Variants in ROBO2 observed in about 807,000 individuals in gnomAD.
ROBO2 encodes the protein roundabout guidance receptor 2, also known as roundabout homolog 2.
A neutral mutation model predicts 160.8 loss-of-function variants in ROBO2; 53 were observed. The ratio of observed to expected loss-of-function variants is 0.33; its 90% CI spans 0.26 to 0.41. The LOEUF (loss-of-function observed/expected upper bound fraction) is 0.41, where lower values mean the gene tolerates loss of function less well. Ranked by LOEUF, ROBO2 falls within the 10% of genes least tolerant of loss-of-function variation. The probability of loss-of-function intolerance (pLI) is 1.00; values close to 1 mark genes in which losing one functional copy is unlikely to be tolerated. For synonymous variants in ROBO2, 664 were observed against 611.7 expected (o/e 1.09, Z -1.26); for missense variants, 1,577 against 1,722.4 (o/e 0.92, Z 1.49).
At chr3:76,034,017 C>G (rs955607414) in intron 2 of ROBO2, among the ~76,000 whole-genome samples, 1 of 152,182 alleles carries the variant, frequency 6.6e-6, no homozygotes, top group Non-Finnish European at 1.5e-5. Context: ...GCCACATGGG[C>G]AACCCAGATT....
At chr3:76,099,722 T>G (rs1265310012) in intron 2 of ROBO2, among the ~76,000 whole-genome samples, 1 of 152,162 alleles carries the variant, frequency 6.6e-6, no homozygotes, top group Non-Finnish European at 1.5e-5. Context: ...CTAAAAAAAT[T>G]TTCACTTATT....
intron 2 of ROBO2, among the ~76,000 whole-genome samples, chr3:77,273,008 A>T (rs2059598293): frequency 6.6e-6 from 1 of 152,180 alleles, no homozygotes; most frequent in Non-Finnish European, 1.5e-5. Context: ...CAGGTTTGTT[A>T]CAGGGGTTTA....
intron 2 of ROBO2, among the ~76,000 whole-genome samples, chr3:76,208,830 C>A (rs1183515268): frequency 6.6e-6 from 1 of 152,106 alleles, no homozygotes; most frequent in African/African-American, 2.4e-5. Flanking sequence ...TAGCTTCTGG[C>A]TTCCAAAACG....
chr3:76,560,923 T>TA (rs1346786072), intron 2 of ROBO2, among the ~76,000 whole-genome samples: 2 of 133,528 alleles, frequency 1.5e-5, no homozygotes, highest in Admixed American at 7.9e-5. Context: ...CCTTTATATA[T>TA]AAGAAGTAAG....
chr3:75,983,273 GA>G (rs2065327319), intron 2 of ROBO2, among the ~76,000 whole-genome samples: 1 of 150,816 alleles, frequency 6.6e-6, no homozygotes, highest in Admixed American at 6.6e-5. Context: ...AAGCTGAAAT[GA>G]AAAAGAAGGA....
chr3:77,166,810 C>T (rs986133728), intron 2 of ROBO2, among the ~76,000 whole-genome samples: 10 of 152,148 alleles, frequency 6.6e-5, no homozygotes, highest in African/African-American at 2.4e-4. Flanking sequence ...CCGCCTGCAT[C>T]GGCCTCCCAA....
intron 2 of ROBO2, among the ~76,000 whole-genome samples, chr3:76,645,751 C>A (rs2109789810): frequency 6.6e-6 from 1 of 152,180 alleles, no homozygotes; most frequent in East Asian, 1.9e-4. Context: ...GAAAATTTGA[C>A]TTTATAGATA....
intron 16 of ROBO2, among the ~76,000 whole-genome samples, chr3:77,582,963 A>G (rs2093955804): frequency 6.6e-6 from 1 of 151,830 alleles, no homozygotes; most frequent in African/African-American, 2.4e-5. Context: ...AACATGGTGA[A>G]ACCCCATCTC....
At chr3:76,668,854 A>G (rs1465271400) in intron 2 of ROBO2, among the ~76,000 whole-genome samples, 1 of 152,224 alleles carries the variant, frequency 6.6e-6, no homozygotes, top group African/African-American at 2.4e-5. Flanking sequence ...AATTTGAGAA[A>G]TAGGAAAATA....
chr3:76,798,892 A>AAAC (rs60526472), intron 2 of ROBO2, among the ~76,000 whole-genome samples: 73,766 of 149,900 alleles, frequency 0.49, 19,033 homozygotes, highest in African/African-American at 0.67. Flanking sequence ...GACCTTTTCT[A>AAAC]AACAACAACA....
chr3:76,953,289 G>C (rs959807297), intron 2 of ROBO2, among the ~76,000 whole-genome samples: 4 of 152,132 alleles, frequency 2.6e-5, no homozygotes, highest in African/African-American at 9.7e-5. Context: ...TTGAAATTAA[G>C]AAAGATTTAC....
chr3:76,961,892 A>G (rs979965442), intron 2 of ROBO2, among the ~76,000 whole-genome samples: 1 of 152,156 alleles, frequency 6.6e-6, no homozygotes, highest in African/African-American at 2.4e-5. Context: ...CTTTGTCAAC[A>G]TAACTCGATT....
Position 76,644,595 on chromosome 3 carries a change from C to T in ROBO2, c.110-453419C>T, listed in dbSNP as rs2090876677. Among the ~76,000 whole-genome samples, 3 of 152,150 alleles carry T rather than the reference C, an allele frequency of 2.0e-5. No homozygotes were observed. The South Asian group carries it at 6.2e-4, about 31-fold the overall frequency. On this transcript the variant is annotated intron_variant, in intron 2 of 26. Coordinates refer to the ROBO2 transcript ENST00000487694. ...TCATATTCCCACTTGCACTGACCTT[C>T]CCGTAGGACTAACTTGAAGTCTTCA...
intron 1 of ROBO2, among the ~76,000 whole-genome samples, chr3:77,065,258 C>T (rs993801519): frequency 6.6e-6 from 1 of 152,060 alleles, no homozygotes; most frequent in East Asian, 1.9e-4. Flanking sequence ...ATTAAAGAGA[C>T]GTTTTAAATA....
chr3:75,978,513 A>T (rs1019517274), intron 2 of ROBO2, among the ~76,000 whole-genome samples: 4 of 151,604 alleles, frequency 2.6e-5, no homozygotes, highest in African/African-American at 9.7e-5. Context: ...CAAAATATTT[A>T]AAAAATTGAT....
intron 2 of ROBO2, among the ~76,000 whole-genome samples, chr3:77,282,592 A>T (rs1291730881): frequency 6.6e-6 from 1 of 152,102 alleles, no homozygotes; most frequent in African/African-American, 2.4e-5. Context: ...AATAAATATA[A>T]TATTCCCAAA....
At chr3:76,490,236 G>A (rs186237499) in intron 2 of ROBO2, among the ~76,000 whole-genome samples, 5 of 152,224 alleles carry the variant, frequency 3.3e-5, no homozygotes, top group African/African-American at 4.8e-5. Context: ...AAGAAAATCA[G>A]GATTGATGCC....
At chr3:77,141,283 G>C (rs1203863412) in intron 2 of ROBO2, among the ~76,000 whole-genome samples, 3 of 146,968 alleles carry the variant, frequency 2.0e-5, no homozygotes, top group Non-Finnish European at 4.5e-5. Context: ...TACATATAAA[G>C]CCCCCCCCCC....
At position 76,348,298 on chromosome 3, in the gene ROBO2, A is replaced by G. The variant is rs541031136; in HGVS notation, c.109+410696A>G. On this transcript the variant is annotated intron_variant, in intron 2 of 26. Coordinates refer to the ROBO2 transcript ENST00000487694. ...AGGCAAGTAATTGTTGGGAGAGGCA[A>G]TCTTCCTGACTGGAGATGCTCTGGT... 3.9e-5 allele frequency among the ~76,000 whole-genome samples: 6 copies of G among 152,284 alleles called. 1 individual carries two copies. The highest frequency in any genetic ancestry group is 2.1e-4 in the South Asian group (1 of 4,830).
Sources: allele counts gnomAD v4.1 joint callset (sites outside exome capture counted in the v4.1 genomes callset), GRCh38; gene constraint gnomAD v4.1.1; transcripts MANE v1.5; gene names NCBI Gene and HGNC (gene_info 2026-07-23, HGNC 2026-07-21).